Variants in SLC2A7 observed in about 807,000 individuals in gnomAD.
The protein encoded by SLC2A7 is solute carrier family 2 member 7.
Under a neutral mutation model 50.5 loss-of-function variants are expected in SLC2A7, and 50 were observed. The ratio of observed to expected loss-of-function variants is 0.99; its 90% confidence interval spans 0.79 to 1.25. The LOEUF (loss-of-function observed/expected upper bound fraction) is 1.25. Ranked by LOEUF, SLC2A7 falls within the 50% of genes most tolerant of loss-of-function variation. SLC2A7 has a pLI of 0.00. For synonymous variants in SLC2A7, 308 were observed against 300.4 expected (o/e 1.03, Z -0.26); for missense variants, 683 against 679.1 (o/e 1.01, Z -0.06).
At chr1:9,016,074 A>G (rs1041538189) in intron 5 of SLC2A7, among the ~76,000 whole-genome samples, 1 of 152,170 alleles carries the variant, frequency 6.6e-6, no homozygotes, top group Non-Finnish European at 1.5e-5. Context: ...CGAGGGCTGA[A>G]TGAGGCACAG....
chr1:9,001,450 C>T (rs1485460438), downstream of SLC2A7, among the ~76,000 whole-genome samples: 3 of 140,238 alleles, frequency 2.1e-5, no homozygotes, highest in African/African-American at 8.0e-5. Flanking sequence ...TAGACAGGGT[C>T]TCACTCTGTC....
At chr1:9,025,364 C>T (rs1377584124) in intron 1 of SLC2A7, among the ~76,000 whole-genome samples, 1 of 152,222 alleles carries the variant, frequency 6.6e-6, no homozygotes, top group African/African-American at 2.4e-5. Context: ...AGGAAAAAGG[C>T]CCAGCAAAGC....
chr1:8,994,577 C>T, the SLC2A7 span, among the ~76,000 whole-genome samples: 2 of 152,120 alleles, frequency 1.3e-5, no homozygotes, highest in African/African-American at 4.8e-5. Context: ...AGGCACTAAG[C>T]TAAGCACCAT....
At chr1:9,014,962 C>A in intron 6 of SLC2A7, 94 bp from the exon 7 acceptor site, 1 of 1,505,360 alleles carries the variant, frequency 6.6e-7, no homozygotes, top group Non-Finnish European at 8.9e-7. Context: ...ATTCCCTGAC[C>A]TGACCTTGGT....
chr1:9,011,596 T>C (rs1328246599), intron 8 of SLC2A7, among the ~76,000 whole-genome samples: 1 of 152,080 alleles, frequency 6.6e-6, no homozygotes, highest in Non-Finnish European at 1.5e-5. Context: ...GCTCACATCA[T>C]GCGGGGCCCC....
In SLC2A7 at chr1:9,018,259, T is replaced by G; in HGVS notation, c.553A>C (p.Ile185Leu). The G allele has an allele frequency of 4.3e-6, 7 of 1,614,026 alleles. No individual in the cohort carries two copies. The highest frequency in any genetic ancestry group is 5.9e-6 in the Non-Finnish European group (7 of 1,179,996). ...CCCAAGATGGCCTGGAGGCTGAAGA[T>G]CTGTGCTAGGAAGACTCCAACGATG... ...FVIVGVFLAQ[I>L]FSLQAILGNP... Residue 185 changes from isoleucine to leucine, a missense_variant, in exon 5 of 12, where the codon ATC becomes CTC. Physicochemically the swap from Ile to Leu is conservative, Grantham distance 5. Transcript: ENST00000400906.
At chr1:9,007,731 A>G (rs1439267956) in intron 9 of SLC2A7, among the ~76,000 whole-genome samples, 2 of 141,846 alleles carry the variant, frequency 1.4e-5, no homozygotes, top group South Asian at 2.3e-4. Flanking sequence ...GAGTGACTCT[A>G]CGATTCTTTC....
rs72644324 is a variant in SLC2A7, at chr1:9,004,779, G to A, written c.1293C>T (p.Ile431=). ...GGATGGATGGGAACAGGAAGCCTAT[G>A]ATGAAGTTGGTGAGCCAGTGCACTG... is the stretch of plus-strand genomic sequence containing the variant. ...DGAVHWLTNF[I]IGFLFPSIQE... Residue 431 remains isoleucine (I), a synonymous_variant, in exon 11 of 12, where the codon ATC becomes ATT. Coordinates refer to ENST00000400906, the MANE Select transcript of SLC2A7 (RefSeq NM_207420.3). The A allele has an allele frequency of 1.0e-3, 1,637 of 1,614,126 alleles. 6 individuals carry two copies. The highest frequency in any genetic ancestry group is 7.6e-3 in the Middle Eastern group (46 of 6,062).
At chr1:9,013,826 T>A (rs1014213449) in intron 7 of SLC2A7, among the ~76,000 whole-genome samples, 191 bp from the exon 8 acceptor site, 10 of 152,172 alleles carry the variant, frequency 6.6e-5, no homozygotes. Context: ...GGCGCTGCCC[T>A]GGAATCCAGG....
intron 9 of SLC2A7, among the ~76,000 whole-genome samples, chr1:9,009,580 C>T (rs1399004853): frequency 6.6e-6 from 1 of 152,198 alleles, no homozygotes; most frequent in Non-Finnish European, 1.5e-5. Flanking sequence ...CCTCAGCTTC[C>T]TGAGTAGCTG....
the SLC2A7 span, among the ~76,000 whole-genome samples, chr1:8,994,785 T>C: frequency 6.6e-6 from 1 of 151,950 alleles, no homozygotes; most frequent in Non-Finnish European, 1.5e-5. Flanking sequence ...TTTTGTTTTG[T>C]TTTGAGATGG....
At chr1:9,024,645 C>A (rs186647106) in intron 2 of SLC2A7, among the ~76,000 whole-genome samples, 30 of 152,272 alleles carry the variant, frequency 2.0e-4, no homozygotes, top group Non-Finnish European at 3.8e-4. Context: ...AATCTTTGAC[C>A]CCATTCTCTT....
chr1:8,994,612 C>T, the SLC2A7 span, among the ~76,000 whole-genome samples: 1 of 152,156 alleles, frequency 6.6e-6, no homozygotes, highest in East Asian at 1.9e-4. Context: ...TCAAAGGCTG[C>T]ACCACCTCTG....
chr1:9,007,191 G>T, intron 10 of SLC2A7, 119 bp downstream of exon 10: 1 of 1,154,838 alleles, frequency 8.7e-7, no homozygotes, highest in Non-Finnish European at 1.3e-6. Flanking sequence ...TGGGATCTGC[G>T]TGAGCACGGG....
At chr1:9,023,840 T>TTG (rs1640954590) in intron 2 of SLC2A7, among the ~76,000 whole-genome samples, 1 of 24,160 alleles carries the variant, frequency 4.1e-5, no homozygotes, top group Non-Finnish European at 7.6e-5. Context: ...TTCTTCTTCT[T>TTG]TTTTTTTTTT....
chr1:9,014,170 C>T (rs1256462587), intron 7 of SLC2A7, among the ~76,000 whole-genome samples: 5 of 152,264 alleles, frequency 3.3e-5, no homozygotes, highest in South Asian at 2.1e-4. Flanking sequence ...CTTCCCGACA[C>T]GCCACTGGAG....
intron 4 of SLC2A7, 91 bp downstream of exon 4, chr1:9,019,118 A>G: frequency 6.6e-7 from 1 of 1,509,748 alleles, no homozygotes; most frequent in Non-Finnish European, 8.9e-7. Context: ...AAAGAGGCAG[A>G]GCCAGGCAGA....
At chr1:9,009,249 C>G (rs1640705326) in intron 9 of SLC2A7, among the ~76,000 whole-genome samples, 1 of 152,222 alleles carries the variant, frequency 6.6e-6, no homozygotes. Flanking sequence ...GCCGTTCCTG[C>G]ACAAGCAACA....
intron 11 of SLC2A7, 24 bp from the exon 12 acceptor site, chr1:9,003,542 A>G: frequency 1.2e-6 from 2 of 1,604,622 alleles, no homozygotes; most frequent in Non-Finnish European, 1.7e-6. Context: ...CGAGAAAGAC[A>G]GGAGGGGGCA....
Sources: allele counts gnomAD v4.1 joint callset (sites outside exome capture counted in the v4.1 genomes callset), GRCh38; gene constraint gnomAD v4.1.1; transcripts MANE v1.5; gene names NCBI Gene and HGNC (gene_info 2026-07-23, HGNC 2026-07-21).